Variants in PRMT8 observed in about 807,000 individuals in gnomAD.
PRMT8 encodes protein arginine methyltransferase 8, also known as protein arginine N-methyltransferase 8.
Under a neutral mutation model 47.1 loss-of-function variants are expected in PRMT8, and 7 were observed. That is an observed-to-expected ratio of 0.15 (90% confidence interval 0.08 to 0.28). PRMT8 has a LOEUF of 0.28. Among genes scored for constraint, PRMT8 ranks in the 10% least tolerant of loss-of-function variants. The pLI, the probability that PRMT8 is intolerant of heterozygous loss-of-function variation, is 1.00. For missense variants in PRMT8, 237 were observed against 505.4 expected (o/e 0.47, Z 5.09); for synonymous variants, 188 against 186.5 (o/e 1.01, Z -0.07).
intron 1 of PRMT8, among the ~76,000 whole-genome samples, chr12:3,515,031 T>C (rs1484189088): frequency 1.3e-5 from 2 of 150,048 alleles, no homozygotes; most frequent in Admixed American, 6.6e-5. Flanking sequence ...GAATTCTGTC[T>C]TTTAAATCCT....
At chr12:3,390,658 T>C (rs191630593) in intron 1 of PRMT8, among the ~76,000 whole-genome samples, 3 of 152,326 alleles carry the variant, frequency 2.0e-5, no homozygotes, top group Admixed American at 1.3e-4. Context: ...GCACTATGAC[T>C]GAATCAAGCA....
chr12:3,397,646 G>A (rs1479988996), intron 1 of PRMT8, among the ~76,000 whole-genome samples: 11 of 151,962 alleles, frequency 7.2e-5, no homozygotes, highest in East Asian at 1.9e-4. Flanking sequence ...AGTCTGCAGA[G>A]GTTACTGCTG....
At chr12:3,400,591 C>T (rs1376036901) in intron 1 of PRMT8, among the ~76,000 whole-genome samples, 3 of 152,136 alleles carry the variant, frequency 2.0e-5, no homozygotes, top group African/African-American at 7.2e-5. Flanking sequence ...CAAAGAAGAG[C>T]TAGTACCATT....
chr12:3,429,855 A>C (rs1864655621), intron 1 of PRMT8, among the ~76,000 whole-genome samples: 1 of 152,218 alleles, frequency 6.6e-6, no homozygotes, highest in Admixed American at 6.5e-5. Flanking sequence ...TTGGATCCGC[A>C]TCACTCAGGC....
At chr12:3,427,805 T>C (rs1370200063) in intron 1 of PRMT8, among the ~76,000 whole-genome samples, 6 of 152,328 alleles carry the variant, frequency 3.9e-5, no homozygotes, top group Middle Eastern at 3.4e-3. Flanking sequence ...ATATAACTTT[T>C]TTTTACATAA....
intron 1 of PRMT8, among the ~76,000 whole-genome samples, chr12:3,460,514 T>A (rs1865029110): frequency 6.6e-6 from 1 of 152,140 alleles, no homozygotes; most frequent in Non-Finnish European, 1.5e-5. Flanking sequence ...TGGCTGTTCA[T>A]AGGCAATGAT....
At chr12:3,578,124 T>A (rs1866982595) in intron 7 of PRMT8, among the ~76,000 whole-genome samples, 1 of 152,142 alleles carries the variant, frequency 6.6e-6, no homozygotes, top group Non-Finnish European at 1.5e-5. Context: ...CCAAAAAAAT[T>A]TTTTTTGAGA....
chr12:3,396,946 A>G (rs371606323), intron 1 of PRMT8, among the ~76,000 whole-genome samples: 10 of 151,488 alleles, frequency 6.6e-5, no homozygotes, highest in East Asian at 2.0e-4. Flanking sequence ...TTCCCTTCTC[A>G]CTTCATTTCA....
At chr12:3,426,162 G>T (rs571906172) in intron 1 of PRMT8, among the ~76,000 whole-genome samples, 6 of 152,346 alleles carry the variant, frequency 3.9e-5, no homozygotes, top group Admixed American at 3.3e-4. Context: ...GACCACCCTA[G>T]TGGAAAGGGG....
intron 7 of PRMT8, among the ~76,000 whole-genome samples, chr12:3,581,540 A>C (rs1358718882): frequency 6.6e-6 from 1 of 152,174 alleles, no homozygotes; most frequent in Non-Finnish European, 1.5e-5. Flanking sequence ...CTTGGATAAA[A>C]GGCTCAGCTT....
At chr12:3,481,535 TG>T (rs1865273695) in intron 1 of PRMT8, among the ~76,000 whole-genome samples, 2 of 152,264 alleles carry the variant, frequency 1.3e-5, no homozygotes, top group South Asian at 4.1e-4. Flanking sequence ...CATCCAGCTC[TG>T]AGAGTACTGG....
intron 4 of PRMT8, among the ~76,000 whole-genome samples, chr12:3,555,055 A>G (rs1157735721): frequency 6.6e-6 from 1 of 152,236 alleles, no homozygotes; most frequent in Non-Finnish European, 1.5e-5. Context: ...TTGCAAGGGC[A>G]GGAGCATTAC....
chr12:3,494,247 C>G (rs1481242101), intron 1 of PRMT8, among the ~76,000 whole-genome samples: 1 of 152,180 alleles, frequency 6.6e-6, no homozygotes, highest in African/African-American at 2.4e-5. Context: ...GGTCCCTCCT[C>G]TGGAGGGGCT....
chr12:3,575,600 A>G (rs774592650), intron 6 of PRMT8, among the ~76,000 whole-genome samples: 2 of 152,192 alleles, frequency 1.3e-5, no homozygotes, highest in Non-Finnish European at 2.9e-5. Flanking sequence ...GCCAGATATT[A>G]TATGAGAGCC....
intron 1 of PRMT8, among the ~76,000 whole-genome samples, chr12:3,440,612 C>T (rs1168725586): frequency 6.6e-6 from 1 of 152,080 alleles, no homozygotes; most frequent in African/African-American, 2.4e-5. Context: ...AAGGTGTGTA[C>T]AGTGGCCTCC....
At position 3,485,195 on chromosome 12, in the gene PRMT8, G is replaced by A. The variant is rs115121142; in HGVS notation, c.49-55411G>A. Among the ~76,000 whole-genome samples the A allele has an allele frequency of 7.9e-3, 1,203 of 152,228 alleles. 14 individuals carry two copies. The highest frequency in any genetic ancestry group is 0.026 in the African/African-American group (1,092 of 41,530). On this transcript the variant is annotated intron_variant, in intron 1 of 9. Coordinates refer to the PRMT8 transcript ENST00000452611. ...GATCTGTTCTCTGTAAAGACCTCTC[G>A]GAAAGAATGCCCCAGGTCTCAGCAT... is the stretch of plus-strand genomic sequence containing the variant.
intron 1 of PRMT8, among the ~76,000 whole-genome samples, chr12:3,496,643 A>G (rs1865514551): frequency 1.3e-5 from 2 of 152,082 alleles, no homozygotes; most frequent in African/African-American, 2.4e-5. Context: ...TGGGCCTTTT[A>G]AGATTGTTGT....
chr12:3,547,454 T>G (rs751520688), intron 2 of PRMT8, among the ~76,000 whole-genome samples: 3 of 152,090 alleles, frequency 2.0e-5, no homozygotes, highest in Non-Finnish European at 4.4e-5. Flanking sequence ...TGAAAAATTT[T>G]AAACACCATA....
intron 1 of PRMT8, among the ~76,000 whole-genome samples, chr12:3,398,101 C>A (rs1378267241): frequency 1.3e-5 from 2 of 152,220 alleles, no homozygotes; most frequent in Non-Finnish European, 2.9e-5. Flanking sequence ...CCTGCGCCCA[C>A]TGTCTGGCAC....
Sources: gnomAD v4.1 joint callset for allele counts (sites outside exome capture counted in the v4.1 genomes callset) on GRCh38, gnomAD v4.1.1 for gene constraint, MANE v1.5 for transcripts, NCBI Gene and HGNC (gene_info 2026-07-23, HGNC 2026-07-21) for gene names.